The following SEMA3E variants were observed in gnomAD, a reference collection of about 807,000 sequenced individuals.
SEMA3E encodes semaphorin-3E.
Under a neutral mutation model 93.6 loss-of-function variants are expected in SEMA3E, and 49 were observed. The ratio of observed to expected loss-of-function variants is 0.52; its 90% CI spans 0.42 to 0.66. SEMA3E has a LOEUF of 0.66. Ranked by LOEUF, SEMA3E falls within the 30% of genes least tolerant of loss-of-function variation. The pLI, the probability that SEMA3E is intolerant of heterozygous loss-of-function variation, is 0.00. For missense variants in SEMA3E, 906 were observed against 964.8 expected, an observed-to-expected ratio of 0.94 and a Z score of 0.81; for synonymous variants, 363 against 330.7, an observed-to-expected ratio of 1.10 and a Z score of -1.06.
intron 1 of SEMA3E, among the ~76,000 whole-genome samples, chr7:83,623,934 C>A (rs59733740): frequency 0.019 from 2,536 of 135,006 alleles, 82 homozygotes; most frequent in African/African-American, 0.065. Flanking sequence ...CCCATGTGTT[C>A]TCATTGTTCA....
chr7:83,439,181 A>G (rs1287082354), intron 4 of SEMA3E, among the ~76,000 whole-genome samples: 2 of 152,158 alleles, frequency 1.3e-5, no homozygotes, highest in Non-Finnish European at 2.9e-5. Context: ...AAACTCTTCA[A>G]TCCTATGAGT....
chr7:83,641,219 C>G (rs1392229885), intron 1 of SEMA3E: 1 of 199,034 alleles, frequency 5.0e-6, no homozygotes, highest in Non-Finnish European at 9.0e-6. Context: ...ATCATCTTTT[C>G]CTTTGAAAAA....
At chr7:83,552,621 AC>A (rs1791789161) in intron 1 of SEMA3E, among the ~76,000 whole-genome samples, 1 of 152,124 alleles carries the variant, frequency 6.6e-6, no homozygotes, top group Admixed American at 6.6e-5. Context: ...TATTATTAAT[AC>A]CCTGGGAAAG....
chr7:83,532,380 G>A (rs1015048424), intron 1 of SEMA3E, among the ~76,000 whole-genome samples: 2 of 152,136 alleles, frequency 1.3e-5, no homozygotes, highest in Non-Finnish European at 2.9e-5. Context: ...TGGAAGTGAT[G>A]AGGACACACA....
At chr7:83,577,221 T>C (rs2115891238) in intron 1 of SEMA3E, among the ~76,000 whole-genome samples, 1 of 151,296 alleles carries the variant, frequency 6.6e-6, no homozygotes, top group East Asian at 1.9e-4. Flanking sequence ...GATAAACAGA[T>C]AGATAGATAG....
intron 1 of SEMA3E, among the ~76,000 whole-genome samples, chr7:83,613,287 A>G (rs1280358612): frequency 6.6e-6 from 1 of 152,066 alleles, no homozygotes; most frequent in Non-Finnish European, 1.5e-5. Flanking sequence ...AATGACATAC[A>G]GAAAAGAAAA....
intron 1 of SEMA3E, among the ~76,000 whole-genome samples, chr7:83,515,255 T>C (rs1343342606): frequency 6.7e-6 from 1 of 150,146 alleles, no homozygotes; most frequent in Non-Finnish European, 1.5e-5. Context: ...CTTTACTTTG[T>C]GTAGCACTTT....
chr7:83,491,463 A>G (rs1224491108), intron 1 of SEMA3E, among the ~76,000 whole-genome samples: 1 of 152,034 alleles, frequency 6.6e-6, no homozygotes, highest in Non-Finnish European at 1.5e-5. Context: ...TTGTGGAGTT[A>G]AATTTAAATC....
intron 14 of SEMA3E, among the ~76,000 whole-genome samples, chr7:83,390,112 T>C (rs1238680615): frequency 3.0e-5 from 3 of 98,874 alleles, no homozygotes; most frequent in African/African-American, 1.1e-4. Flanking sequence ...CGTGTGCACA[T>C]ATATGCGCGT....
rs1788727323 is a variant in SEMA3E at position 83,424,279 on chromosome 7, T to G, written c.457-5796A>C. 2.0e-5 allele frequency among the ~76,000 whole-genome samples: 3 copies of G among 152,318 alleles called. No individual in the cohort carries two copies. The South Asian group carries it at 6.2e-4, about 32-fold the overall frequency. On this transcript the variant is annotated intron_variant, in intron 4 of 16. Transcript: ENST00000643230. ...TTGTAACAAAATAATGAAGAGGTGC[T>G]TTGAACACATGAAAGCACTATAATT...
intron 4 of SEMA3E, among the ~76,000 whole-genome samples, chr7:83,443,106 A>G (rs1562784821): frequency 6.6e-6 from 1 of 152,316 alleles, no homozygotes; most frequent in East Asian, 1.9e-4. Context: ...AGAATAGAAT[A>G]AAGCTGACAC....
chr7:83,494,628 G>T lies in SEMA3E; in HGVS notation c.116-4354C>A, dbSNP rs535817414. Among the ~76,000 whole-genome samples, 46 of 152,036 alleles carry T rather than the reference G, an allele frequency of 3.0e-4. 1 individual carries two copies. Among genetic ancestry groups the T allele is most frequent in the African/African-American group, 1.1e-3 (45 of 41,532 alleles). On this transcript the variant is annotated intron_variant, in intron 1 of 16. Coordinates refer to ENST00000643230, the MANE Select transcript of SEMA3E (RefSeq NM_012431.3). ...CTTCATGGTAATCGGAAAACAAACAGAAGCCAAGGTAATTTATCTCTTAGA... is the reference window on the plus strand; with the variant it reads ...CTTCATGGTAATCGGAAAACAAACATAAGCCAAGGTAATTTATCTCTTAGA...
At chr7:83,574,040 TTA>T (rs1170786292) in intron 1 of SEMA3E, among the ~76,000 whole-genome samples, 1 of 152,112 alleles carries the variant, frequency 6.6e-6, no homozygotes, top group African/African-American at 2.4e-5. Flanking sequence ...GCTTAATTTT[TTA>T]TATGCAAATA....
chr7:83,581,177 A>C (rs1234857745), intron 1 of SEMA3E, among the ~76,000 whole-genome samples: 1 of 152,038 alleles, frequency 6.6e-6, no homozygotes. Flanking sequence ...TACATATCAT[A>C]GCTAATATCC....
chr7:83,430,712 CAA>C (rs1053893014), intron 4 of SEMA3E, among the ~76,000 whole-genome samples: 1 of 151,970 alleles, frequency 6.6e-6, no homozygotes, highest in Non-Finnish European at 1.5e-5. Flanking sequence ...AGCATTAGGA[CAA>C]ATACCTAATG....
intron 1 of SEMA3E, among the ~76,000 whole-genome samples, chr7:83,541,179 G>A (rs183565303): frequency 2.2e-4 from 34 of 152,290 alleles, no homozygotes; most frequent in Non-Finnish European, 1.9e-4. Flanking sequence ...GAATATAGAT[G>A]ACTTTTCACA....
chr7:83,599,100 TA>T (rs1217253462), intron 1 of SEMA3E, among the ~76,000 whole-genome samples: 3 of 152,136 alleles, frequency 2.0e-5, no homozygotes, highest in Admixed American at 6.6e-5. Context: ...ATTTTTAAGG[TA>T]AAAAATAAAA....
chr7:83,403,871 AT>A (rs1788277821), intron 9 of SEMA3E, among the ~76,000 whole-genome samples: 1 of 151,942 alleles, frequency 6.6e-6, no homozygotes, highest in African/African-American at 2.4e-5. Context: ...ATCAATCCTT[AT>A]GTCAGGTAAC....
intron 1 of SEMA3E, among the ~76,000 whole-genome samples, chr7:83,504,814 C>T (rs1479414144): frequency 6.6e-6 from 1 of 152,056 alleles, no homozygotes; most frequent in Non-Finnish European, 1.5e-5. Flanking sequence ...CACAGAAAGG[C>T]TCTTATGTGT....
Sources: gnomAD v4.1 joint callset for allele counts (sites outside exome capture counted in the v4.1 genomes callset) on GRCh38, gnomAD v4.1.1 for gene constraint, MANE v1.5 for transcripts, NCBI Gene and HGNC (gene_info 2026-07-23, HGNC 2026-07-21) for gene names.